Variants in GMDS observed in about 807,000 individuals in gnomAD.
GMDS encodes the protein GDP-mannose 4,6-dehydratase.
In GMDS, 20 loss-of-function variants were observed where a neutral mutation model predicts 49.9. The ratio of observed to expected loss-of-function variants is 0.40; its 90% confidence interval spans 0.28 to 0.58. The LOEUF is 0.58. Ranked by LOEUF, GMDS falls within the 20% of genes least tolerant of loss-of-function variation. The probability of loss-of-function intolerance (pLI) is 0.42; values close to 1 mark genes in which losing one functional copy is unlikely to be tolerated. For synonymous variants in GMDS, 177 were observed against 178.6 expected (o/e 0.99, Z 0.07); for missense variants, 362 against 481.4 (o/e 0.75, Z 2.32).
intron 6 of GMDS, among the ~76,000 whole-genome samples, chr6:1,951,211 G>T (rs1392283676): frequency 4.0e-5 from 6 of 151,864 alleles, no homozygotes; most frequent in Non-Finnish European, 4.4e-5. Context: ...ATTTTTACAT[G>T]AATTATTTTA....
chr6:1,684,332 C>G lies in GMDS; in HGVS notation c.987+42084G>C, dbSNP rs536518777. On this transcript the variant is annotated intron_variant, in intron 9 of 10. Transcript: ENST00000380815. Reference sequence around the variant, plus strand: ...GCCACAGACATACTTCCCAGATGAACCGTGGGCTCACTCAAACGTATGTAA... The same window carrying G: ...GCCACAGACATACTTCCCAGATGAAGCGTGGGCTCACTCAAACGTATGTAA... 5.9e-5 allele frequency among the ~76,000 whole-genome samples: 9 copies of G among 152,260 alleles called. No homozygotes were observed. In the South Asian group the frequency reaches 1.9e-3, roughly 32 times the overall value.
At chr6:1,641,657 A>C (rs1763334073) in intron 9 of GMDS, among the ~76,000 whole-genome samples, 1 of 152,088 alleles carries the variant, frequency 6.6e-6, no homozygotes, top group Admixed American at 6.5e-5. Context: ...TGCTCAAGGC[A>C]TTACCTCCAG....
At chr6:2,216,727 A>G (rs924036838) in intron 1 of GMDS, among the ~76,000 whole-genome samples, 4 of 145,712 alleles carry the variant, frequency 2.7e-5, no homozygotes, top group African/African-American at 1.0e-4. Context: ...CTAAGGAGGA[A>G]GCACATCTGT....
At chr6:2,198,278 T>C (rs1035460056) in intron 1 of GMDS, among the ~76,000 whole-genome samples, 1 of 152,188 alleles carries the variant, frequency 6.6e-6, no homozygotes, top group African/African-American at 2.4e-5. Flanking sequence ...ATTATACAGA[T>C]ACATGTAATT....
chr6:1,997,304 C>T (rs552636371), intron 4 of GMDS, among the ~76,000 whole-genome samples: 15 of 151,842 alleles, frequency 9.9e-5, no homozygotes, highest in Admixed American at 1.3e-4. Context: ...GGTCAGGAGA[C>T]GGAAACCATC....
chr6:1,949,801 C>A lies in GMDS; in HGVS notation c.643+10066G>T, dbSNP rs1488718026. ...AACAATCTAACCATTTATGGACAGA[C>A]AAATGGTATTGTGTAAAACCTATAA... On this transcript the variant is annotated intron_variant, in intron 6 of 10. Coordinates refer to ENST00000380815, the MANE Select transcript of GMDS (RefSeq NM_001500.4). Among the ~76,000 whole-genome samples the A allele has an allele frequency of 3.3e-5, 5 of 152,260 alleles. No individual in the cohort carries two copies. The East Asian group carries it at 5.8e-4, about 18-fold the overall frequency.
intron 4 of GMDS, among the ~76,000 whole-genome samples, chr6:2,101,432 T>C (rs1249316751): frequency 6.6e-6 from 1 of 151,854 alleles, no homozygotes; most frequent in East Asian, 1.9e-4. Context: ...CAGTAACTGC[T>C]TTATGGATTA....
At chr6:1,981,120 G>A (rs1048135368) in intron 4 of GMDS, among the ~76,000 whole-genome samples, 1 of 151,274 alleles carries the variant, frequency 6.6e-6, no homozygotes, top group African/African-American at 2.4e-5. Context: ...CCTAACATCA[G>A]AATTAATAGA....
chr6:1,877,438 G>A (rs1759128043), intron 7 of GMDS, among the ~76,000 whole-genome samples: 1 of 151,784 alleles, frequency 6.6e-6, no homozygotes, highest in South Asian at 2.1e-4. Flanking sequence ...AAAGGAGTTC[G>A]AGACCAGCCT....
intron 7 of GMDS, among the ~76,000 whole-genome samples, chr6:1,816,232 C>G (rs1770667442): frequency 6.6e-6 from 1 of 152,176 alleles, no homozygotes; most frequent in African/African-American, 2.4e-5. Flanking sequence ...TTGGCAACAT[C>G]CCAGGTGGTA....
intron 7 of GMDS, among the ~76,000 whole-genome samples, chr6:1,846,024 G>A (rs1172836872): frequency 6.6e-6 from 1 of 151,634 alleles, no homozygotes; most frequent in African/African-American, 2.4e-5. Flanking sequence ...GGTGTCCTGT[G>A]GTCTTTTTGA....
At chr6:1,912,364 TA>T (rs137939261) in intron 7 of GMDS, among the ~76,000 whole-genome samples, 11,851 of 152,110 alleles carry the variant, frequency 0.078, 540 homozygotes, top group South Asian at 0.16. Context: ...AGACTTTGTC[TA>T]AAAAAAATTT....
At chr6:1,739,488 C>A (rs946841769) in intron 8 of GMDS, among the ~76,000 whole-genome samples, 4 of 152,248 alleles carry the variant, frequency 2.6e-5, no homozygotes, top group African/African-American at 7.2e-5. Flanking sequence ...CCTGCTCCCC[C>A]GCATTCAAAC....
At position 1,766,199 on chromosome 6, in the gene GMDS, A is replaced by AT. The variant is rs1433837428; in HGVS notation, c.772-23614dup. On this transcript the variant is annotated intron_variant, in intron 7 of 10. Coordinates refer to ENST00000380815, the MANE Select transcript of GMDS (RefSeq NM_001500.4). The surrounding 1 kb of genome is among the most constrained non-coding windows in gnomAD (Gnocchi z 4.5). The stretch of plus-strand genomic sequence containing the variant: ...ATCAAGATACCTGATGCCATGATTA[A>AT]TTTTTGTGTGTGGCACAGAAGCAAG... Among the ~76,000 whole-genome samples the AT allele has an allele frequency of 6.6e-6, 1 of 150,792 alleles. No homozygotes were observed. The highest frequency in any genetic ancestry group is 1.5e-5 in the Non-Finnish European group (1 of 67,166).
intron 7 of GMDS, among the ~76,000 whole-genome samples, chr6:1,809,681 A>G (rs1770331640): frequency 6.6e-6 from 1 of 152,194 alleles, no homozygotes; most frequent in Non-Finnish European, 1.5e-5. Context: ...AAATTAAAGA[A>G]CTAGTGACAA....
intron 7 of GMDS, among the ~76,000 whole-genome samples, chr6:1,772,043 T>C (rs778530241): frequency 5.9e-5 from 9 of 152,194 alleles, no homozygotes; most frequent in Non-Finnish European, 8.8e-5. Flanking sequence ...GTAGCCTTAC[T>C]GAGGTCTGGG....
chr6:1,910,023 C>T lies in GMDS; in HGVS notation c.771+20080G>A, dbSNP rs186663354. On this transcript the variant is annotated intron_variant, in intron 7 of 10. Transcript: ENST00000380815. ...TAAAATGTACACTGGATTTTGAAGA[C>T]GTCGTACAGAAAAAGGAATGTAAAA... Among the ~76,000 whole-genome samples the T allele has an allele frequency of 1.3e-4, 20 of 151,940 alleles. No homozygotes were observed. In the East Asian group the frequency reaches 2.7e-3, roughly 21 times the overall value.
intron 9 of GMDS, among the ~76,000 whole-genome samples, chr6:1,692,590 T>A (rs1050229385): frequency 2.0e-5 from 3 of 152,250 alleles, no homozygotes; most frequent in Admixed American, 1.3e-4. Context: ...TTAATTTTTT[T>A]AAAATTCTGT....
At chr6:2,198,929 T>C (rs111702083) in intron 1 of GMDS, among the ~76,000 whole-genome samples, 1 of 102,824 alleles carries the variant, frequency 9.7e-6, no homozygotes, top group Non-Finnish European at 2.3e-5. Context: ...AAGTCAATAA[T>C]TCAGGCTTGG....
Sources: gnomAD v4.1 joint callset for allele counts (sites outside exome capture counted in the v4.1 genomes callset) on GRCh38, gnomAD v4.1.1 for gene constraint, Gnocchi (gnomAD v3.1) non-coding constraint, MANE v1.5 for transcripts, NCBI Gene and HGNC (gene_info 2026-07-23, HGNC 2026-07-21) for gene names.